Variants in ZFP14 observed in about 807,000 individuals in gnomAD.
ZFP14 encodes zinc finger protein 14 homolog.
Under a neutral mutation model 54.5 loss-of-function variants are expected in ZFP14, and 22 were observed. The ratio of observed to expected loss-of-function variants is 0.40; its 90% CI spans 0.29 to 0.58. ZFP14 has a LOEUF of 0.58. Among genes scored for constraint, ZFP14 ranks in the 20% least tolerant of loss-of-function variants. The pLI, the probability that ZFP14 is intolerant of heterozygous loss-of-function variation, is 0.39. For missense variants in ZFP14, 470 were observed against 637.8 expected, an observed-to-expected ratio of 0.74 and a Z score of 2.83; for synonymous variants, 159 against 204.0, an observed-to-expected ratio of 0.78 and a Z score of 1.88.
chr19:36,376,090 A>G (rs1195537335), intron 1 of ZFP14, among the ~76,000 whole-genome samples: 1 of 152,028 alleles, frequency 6.6e-6, no homozygotes, highest in Non-Finnish European at 1.5e-5. Context: ...TAGACAGGTT[A>G]CTTTCCAGTT....
At chr19:36,358,432 A>G (rs2145553837) in intron 4 of ZFP14, among the ~76,000 whole-genome samples, 1 of 152,206 alleles carries the variant, frequency 6.6e-6, no homozygotes, top group South Asian at 2.1e-4. Flanking sequence ...TATTAACCTT[A>G]TATCCCATGA....
rs2031269911 is a variant in ZFP14, at chr19:36,339,553, G to A, written c.*671C>T. 6.6e-6 allele frequency: 1 copy of A among 152,212 alleles called. No individual in the cohort carries two copies. 9.4% of individuals were successfully genotyped at this position (152,212 alleles called of 1,614,324 possible). A position where few individuals can be genotyped will look rare whatever the true frequency, so the allele number is the denominator to read the frequency against. ...TCCTCCCTTTTGGCTTGCATGCCTT[G>A]ATGAAGCAAGCAGCCATGTTGATGA... On this transcript the variant is annotated 3_prime_UTR_variant, in exon 5 of 5. Coordinates refer to ENST00000270001, the MANE Select transcript of ZFP14 (RefSeq NM_020917.3).
chr19:36,360,555 CA>C (rs769740969), intron 3 of ZFP14, 22 bp from the exon 4 acceptor site: 1 of 1,597,886 alleles, frequency 6.3e-7, no homozygotes, highest in Non-Finnish European at 8.5e-7. Context: ...AAAAATGTGA[CA>C]TGGAATTATA....
chr19:36,368,408 C>T (rs913270377), intron 1 of ZFP14, among the ~76,000 whole-genome samples: 4 of 152,108 alleles, frequency 2.6e-5, no homozygotes, highest in African/African-American at 2.4e-5. Flanking sequence ...GCGGAGGTTG[C>T]GGTGAGCTGA....
Position 36,337,950 on chromosome 19 carries a change from C to T in ZFP14, c.*2274G>A, listed in dbSNP as rs1488885860. The T allele has an allele frequency of 6.6e-6, 1 of 152,174 alleles. No homozygotes were observed. The highest frequency in any genetic ancestry group is 1.5e-5 in the Non-Finnish European group (1 of 68,036). 9.4% of individuals were successfully genotyped at this position (152,174 alleles called of 1,614,324 possible). A position where few individuals can be genotyped will look rare whatever the true frequency, so the allele number is the denominator to read the frequency against. On this transcript the variant is annotated 3_prime_UTR_variant, in exon 5 of 5. Coordinates refer to ENST00000270001, the MANE Select transcript of ZFP14 (RefSeq NM_020917.3). ...AGAAAATGGTGATTTTTCTAATCCTCTAATTCCTTCTAGATTTATTAGACT... is the reference window on the plus strand; with the variant it reads ...AGAAAATGGTGATTTTTCTAATCCTTTAATTCCTTCTAGATTTATTAGACT...
chr19:36,373,067 C>T (rs879835445), intron 1 of ZFP14, among the ~76,000 whole-genome samples: 21 of 152,042 alleles, frequency 1.4e-4, no homozygotes, highest in Admixed American at 3.9e-4. Flanking sequence ...CACCTGAGGT[C>T]GGGAGTTCAA....
At chr19:36,368,056 C>A in intron 1 of ZFP14, 85 bp from the exon 2 acceptor site, 1 of 726,806 alleles carries the variant, frequency 1.4e-6, no homozygotes, top group Non-Finnish European at 2.1e-6. Context: ...AAACTTTTTT[C>A]TCTTCCATTC....
intron 4 of ZFP14, among the ~76,000 whole-genome samples, chr19:36,356,628 C>A (rs2145552385): frequency 6.6e-6 from 1 of 152,206 alleles, no homozygotes; most frequent in African/African-American, 2.4e-5. Flanking sequence ...CCCTTTCTAA[C>A]CCGAACCATC....
intron 1 of ZFP14, among the ~76,000 whole-genome samples, chr19:36,377,520 T>G (rs1189267944): frequency 6.8e-6 from 1 of 148,066 alleles, no homozygotes; most frequent in African/African-American, 2.5e-5. Context: ...CACTCCAGCC[T>G]GAGGGACAGA....
intron 1 of ZFP14, among the ~76,000 whole-genome samples, chr19:36,373,093 CA>C (rs2031904801): frequency 6.6e-6 from 1 of 152,002 alleles, no homozygotes; most frequent in African/African-American, 2.4e-5. Context: ...GCCTTACCAA[CA>C]TGGAGAAACC....
At position 36,351,589 on chromosome 19, in the gene ZFP14, A is replaced by G. The variant is rs766350836; in HGVS notation, c.235+8846T>C. On this transcript the variant is annotated intron_variant, in intron 4 of 4. Transcript: ENST00000270001. ...TAAAATACTATTAAGGGTTGCGTACAGTGGCTTACGCCTGTAATCACAGTA... is the reference window on the plus strand; with the variant it reads ...TAAAATACTATTAAGGGTTGCGTACGGTGGCTTACGCCTGTAATCACAGTA... Among the ~76,000 whole-genome samples the G allele has an allele frequency of 8.4e-5, 12 of 143,578 alleles. 1 individual carries two copies. Among genetic ancestry groups the G allele is most frequent in the Non-Finnish European group, 1.9e-4 (12 of 64,514 alleles). 94.2% of individuals were successfully genotyped at this position (143,578 alleles called of 152,430 possible). A position where few individuals can be genotyped will look rare whatever the true frequency, so the allele number is the denominator to read the frequency against.
rs1230397071 is a variant in ZFP14, at chr19:36,334,504, A to T, written c.*5720T>A. The T allele has an allele frequency of 6.6e-6, 1 of 152,228 alleles. No homozygotes were observed. Among genetic ancestry groups the T allele is most frequent in the Non-Finnish European group, 1.5e-5 (1 of 68,044 alleles). 9.4% of individuals were successfully genotyped at this position (152,228 alleles called of 1,614,324 possible). A position where few individuals can be genotyped will look rare whatever the true frequency, so the allele number is the denominator to read the frequency against. On this transcript the variant is annotated 3_prime_UTR_variant, in exon 5 of 5. Coordinates refer to ENST00000270001, the MANE Select transcript of ZFP14 (RefSeq NM_020917.3). ...CCACAGAAACTCATTTATGTCCTTA[A>T]TCATTGTTTAATATAATATATAAGC...
At chr19:36,348,392 C>T (rs2031456201) in intron 4 of ZFP14, among the ~76,000 whole-genome samples, 2 of 152,170 alleles carry the variant, frequency 1.3e-5, no homozygotes, top group African/African-American at 4.8e-5. Context: ...AGTTGGCCTT[C>T]ATGAGATCAG....
chr19:36,371,262 CA>C (rs1162108439), intron 1 of ZFP14, among the ~76,000 whole-genome samples: 1 of 147,864 alleles, frequency 6.8e-6, no homozygotes, highest in African/African-American at 2.5e-5. Flanking sequence ...GACTCTGTCT[CA>C]AAAAAAAGGA....
chr19:36,349,878 G>A (rs796582837), intron 4 of ZFP14, among the ~76,000 whole-genome samples: 4 of 99,726 alleles, frequency 4.0e-5, no homozygotes, highest in African/African-American at 1.1e-4. Flanking sequence ...TAGGCTGGGC[G>A]TGGTGGCTCA....
chr19:36,364,915 T>C (rs1568472382), intron 2 of ZFP14, among the ~76,000 whole-genome samples: 1 of 151,752 alleles, frequency 6.6e-6, no homozygotes, highest in Non-Finnish European at 1.5e-5. Flanking sequence ...ACCAGGTACC[T>C]ATTTTCCCAT....
intron 4 of ZFP14, among the ~76,000 whole-genome samples, chr19:36,352,436 A>T (rs1375488075): frequency 7.0e-6 from 1 of 143,580 alleles, no homozygotes; most frequent in Non-Finnish European, 1.5e-5. Flanking sequence ...CACTGGGAAG[A>T]CAGCAGATTT....
chr19:36,359,283 AT>A (rs1490045614), intron 4 of ZFP14, among the ~76,000 whole-genome samples: 14 of 152,136 alleles, frequency 9.2e-5, no homozygotes, highest in Admixed American at 9.2e-4. Context: ...TTTTATTAAA[AT>A]TTTTGTATCT....
intron 1 of ZFP14, among the ~76,000 whole-genome samples, chr19:36,374,228 C>T (rs911114946): frequency 2.6e-5 from 4 of 151,922 alleles, no homozygotes; most frequent in African/African-American, 4.8e-5. Flanking sequence ...CAGTGGCTCA[C>T]ACCTGTAATC....
Sources: allele counts gnomAD v4.1 joint callset (sites outside exome capture counted in the v4.1 genomes callset), GRCh38; gene constraint gnomAD v4.1.1; transcripts MANE v1.5; gene names NCBI Gene and HGNC (gene_info 2026-07-23, HGNC 2026-07-21).